Variants in ADGRF5 observed in about 807,000 individuals in gnomAD.
ADGRF5 encodes the protein adhesion G protein-coupled receptor F5.
In ADGRF5, 75 loss-of-function variants were observed where a neutral mutation model predicts 132.3. The observed-to-expected ratio is 0.57, with a 90% CI of 0.47 to 0.69. The LOEUF is 0.69. ADGRF5 is among the 30% of genes least tolerant of loss of function. The pLI, the probability that ADGRF5 is intolerant of heterozygous loss-of-function variation, is 0.00. For synonymous variants in ADGRF5, 629 were observed against 597.6 expected (o/e 1.05, Z -0.77); for missense variants, 1,516 against 1,630.6 (o/e 0.93, Z 1.21).
At chr6:46,869,883 T>C (rs1361461396) in intron 11 of ADGRF5, among the ~76,000 whole-genome samples, 1 of 152,180 alleles carries the variant, frequency 6.6e-6, no homozygotes, top group East Asian at 1.9e-4. Flanking sequence ...TTTCACTATA[T>C]ATATACTCCT....
At chr6:46,930,440 T>C (rs1207941935) in intron 1 of ADGRF5, among the ~76,000 whole-genome samples, 1 of 152,200 alleles carries the variant, frequency 6.6e-6, no homozygotes, top group Non-Finnish European at 1.5e-5. Flanking sequence ...TCCATATTAG[T>C]GTGAACTAAT....
chr6:46,926,546 C>G (rs963352680), upstream of ADGRF5, among the ~76,000 whole-genome samples: 2 of 152,090 alleles, frequency 1.3e-5, no homozygotes, highest in Non-Finnish European at 2.9e-5. Context: ...TCTTTCTTGA[C>G]CCTTATTGAT....
chr6:46,913,108 G>A (rs546710817), intron 1 of ADGRF5, among the ~76,000 whole-genome samples: 3 of 152,224 alleles, frequency 2.0e-5, no homozygotes, highest in Non-Finnish European at 4.4e-5. Context: ...GCTCTAAATA[G>A]TGGCTAATCG....
chr6:46,870,222 G>A (rs533494949), intron 11 of ADGRF5, among the ~76,000 whole-genome samples: 72 of 152,018 alleles, frequency 4.7e-4, no homozygotes, highest in Non-Finnish European at 7.9e-4. Context: ...GCACAATCAC[G>A]GCTCACTGCA....
intron 16 of ADGRF5, among the ~76,000 whole-genome samples, chr6:46,860,311 T>C (rs1769592255): frequency 6.6e-6 from 1 of 152,196 alleles, no homozygotes; most frequent in Admixed American, 6.5e-5. Context: ...TCATTTGAAC[T>C]CTTGTAGGTG....
chr6:46,913,204 TAAG>T (rs1776115417), intron 1 of ADGRF5, among the ~76,000 whole-genome samples: 1 of 152,046 alleles, frequency 6.6e-6, no homozygotes, highest in African/African-American at 2.4e-5. Context: ...AGTCAAGTTT[TAAG>T]AAGAAGGGGG....
chr6:46,953,960 C>CA (rs1458782959), intron 1 of ADGRF5, among the ~76,000 whole-genome samples: 1 of 151,574 alleles, frequency 6.6e-6, no homozygotes, highest in South Asian at 2.1e-4. Context: ...CATAAGATGA[C>CA]AAAAAAATCC....
chr6:46,910,056 G>T lies in ADGRF5; in HGVS notation c.-24-3270C>A, dbSNP rs76533039. 6.8e-4 allele frequency among the ~76,000 whole-genome samples: 103 copies of T among 151,804 alleles called. No individual in the cohort carries two copies. In the East Asian group the frequency reaches 0.017, roughly 25 times the overall value. ...AAAATAAAAAATAGAGAAACAATCA[G>T]TGCTTAAGATCAACTCTTCTCTTAG... On this transcript the variant is annotated intron_variant, in intron 1 of 20. Transcript: ENST00000283296.
In ADGRF5 at chr6:46,945,903, T is replaced by C. The variant is rs111596546; in HGVS notation, c.-25+8831A>G. Reference sequence around the variant, plus strand: ...GGGAGCTTGTTCAGGGGAACTCCCATTTATTAAACCATCAGATCTCATGAG... The same window carrying C: ...GGGAGCTTGTTCAGGGGAACTCCCACTTATTAAACCATCAGATCTCATGAG... On this transcript the variant is annotated intron_variant, in intron 1 of 20. Coordinates refer to the ADGRF5 transcript ENST00000265417. 5.9e-3 allele frequency among the ~76,000 whole-genome samples: 900 copies of C among 152,304 alleles called. 4 individuals are homozygous for C. Among genetic ancestry groups the C allele is most frequent in the Middle Eastern group, 0.02 (6 of 294 alleles).
At position 46,870,821 on chromosome 6, in the gene ADGRF5, C is replaced by T. The variant is rs527748312; in HGVS notation, c.1411+1022G>A. The T allele has an allele frequency of 1.4e-5, 6 of 437,328 alleles. No homozygotes were observed. The East Asian group carries it at 4.7e-4, about 34-fold the overall frequency. 27.1% of individuals were successfully genotyped at this position (437,328 alleles called of 1,614,324 possible). A position where few individuals can be genotyped will look rare whatever the true frequency, so the allele number is the denominator to read the frequency against. On this transcript the variant is annotated intron_variant, in intron 11 of 20. Transcript: ENST00000283296. The stretch of plus-strand genomic sequence containing the variant: ...TAATTTGGAGAATGATTAGTTTTAC[C>T]TGAAAGCATTATTTCGCTAGAAGAG...
intron 15 of ADGRF5, 39 bp downstream of exon 15, chr6:46,862,849 G>T (rs374146965): frequency 2.3e-6 from 3 of 1,329,892 alleles, no homozygotes; most frequent in Non-Finnish European, 3.2e-6. Flanking sequence ...CAGATAGATC[G>T]CCCCACCAAG....
chr6:46,877,271 CTT>C (rs1222758088), intron 10 of ADGRF5, among the ~76,000 whole-genome samples: 604 of 42,980 alleles, frequency 0.014, 7 homozygotes, highest in Middle Eastern at 0.025. Flanking sequence ...TTCTTTCTTT[CTT>C]TCTTTCTTTC....
intron 11 of ADGRF5, among the ~76,000 whole-genome samples, chr6:46,869,805 C>G (rs1770848095): frequency 6.6e-6 from 1 of 152,266 alleles, no homozygotes; most frequent in African/African-American, 2.4e-5. Flanking sequence ...GTCAGGTAAA[C>G]TGGGATGTAC....
chr6:46,901,374 C>T (rs945191021), intron 2 of ADGRF5, among the ~76,000 whole-genome samples: 1 of 152,130 alleles, frequency 6.6e-6, no homozygotes, highest in Non-Finnish European at 1.5e-5. Flanking sequence ...CCCAGATAAC[C>T]CCTGCCCACA....
intron 14 of ADGRF5, among the ~76,000 whole-genome samples, chr6:46,863,602 C>G (rs893830583): frequency 6.6e-6 from 1 of 152,120 alleles, no homozygotes; most frequent in Non-Finnish European, 1.5e-5. Context: ...TCTGGTTTCC[C>G]TTAGAGGTGA....
At chr6:46,870,919 T>C (rs1270409360) in intron 11 of ADGRF5, 1 of 263,988 alleles carries the variant, frequency 3.8e-6, no homozygotes, top group Non-Finnish European at 7.3e-6. Context: ...ATAACACAAC[T>C]CTTTGTTAAA....
At chr6:46,862,849 G>C (rs374146965) in intron 15 of ADGRF5, 39 bp downstream of exon 15, 1 of 1,330,012 alleles carries the variant, frequency 7.5e-7, no homozygotes, top group South Asian at 1.2e-5. Flanking sequence ...CAGATAGATC[G>C]CCCCACCAAG....
intron 7 of ADGRF5, among the ~76,000 whole-genome samples, chr6:46,881,799 T>C (rs951518577): frequency 1.3e-5 from 2 of 152,234 alleles, no homozygotes; most frequent in African/African-American, 4.8e-5. Flanking sequence ...TCTGAACTAT[T>C]TGGACTACAA....
Position 46,871,926 on chromosome 6 carries a change from G to T in ADGRF5, c.1328C>A (p.Thr443Lys), listed in dbSNP as rs1771105168. The T allele has an allele frequency of 5.0e-6, 8 of 1,613,300 alleles. No individual in the cohort carries two copies. Among genetic ancestry groups the T allele is most frequent in the East Asian group, 2.2e-5 (1 of 44,876 alleles). The change falls in exon 11 of 21, where the codon ACA (threonine) becomes AAA (lysine). Residue 443 changes from threonine (T) to lysine (K), a missense_variant. This residue lies in a region of ADGRF5 where 945 missense variants were observed against 929.4 expected (regional missense o/e 1.02). Transcript: ENST00000283296. ...GTQCPSGSSG[T>K]TVIYTCEFIS... ...GAACTCACAAGTGTAGATGACTGTT[G>T]TTCCAGACGACCCGCTTGGGCACTG...
Sources: gnomAD v4.1 joint callset for allele counts (sites outside exome capture counted in the v4.1 genomes callset) on GRCh38, gnomAD v4.1.1 for gene constraint, gnomAD v4.1.1 regional missense constraint, MANE v1.5 for transcripts, NCBI Gene and HGNC (gene_info 2026-07-23, HGNC 2026-07-21) for gene names.